AGO3: variants seen among roughly 807,000 people sequenced by gnomAD.
AGO3 encodes protein argonaute-3.
A neutral mutation model predicts 105.5 loss-of-function variants in AGO3; 16 were observed. The observed-to-expected ratio is 0.15, with a 90% CI of 0.10 to 0.23. The LOEUF is 0.23. Ranked by LOEUF, AGO3 falls within the 10% of genes least tolerant of loss-of-function variation. The probability of loss-of-function intolerance (pLI) is 1.00; values close to 1 mark genes in which losing one functional copy is unlikely to be tolerated. For missense variants in AGO3, 534 were observed against 1,088.0 expected (o/e 0.49, Z 7.16); for synonymous variants, 340 against 367.3 (o/e 0.93, Z 0.85).
intron 2 of AGO3, among the ~76,000 whole-genome samples, chr1:35,946,552 T>G (rs1334591069): frequency 6.6e-6 from 1 of 152,226 alleles, no homozygotes; most frequent in African/African-American, 2.4e-5. Flanking sequence ...GCATTTTGGT[T>G]TCTATGATCC....
At chr1:35,944,284 C>T (rs539814718) in intron 1 of AGO3, among the ~76,000 whole-genome samples, 43 of 151,960 alleles carry the variant, frequency 2.8e-4, no homozygotes, top group African/African-American at 1.0e-3. Context: ...AGGCTAGTCT[C>T]AAACTCCTAA....
intron 17 of AGO3, among the ~76,000 whole-genome samples, chr1:36,050,661 G>A (rs1360880253): frequency 1.4e-5 from 2 of 146,332 alleles, no homozygotes; most frequent in Admixed American, 6.8e-5. Flanking sequence ...GTGTGGTGGC[G>A]GGCGCCTATA....
At chr1:36,054,855 C>A in intron 17 of AGO3, 91 bp from the exon 18 acceptor site, 1 of 1,274,942 alleles carries the variant, frequency 7.8e-7, no homozygotes, top group Middle Eastern at 2.6e-4. Context: ...GCACTTCAGC[C>A]TGGGTGACAG....
In AGO3 at chr1:36,059,342, G is replaced by A. The variant is rs1642997210; in HGVS notation, c.*3597G>A. ...AAAGGCTAAGTGACAAATGCTTCTT[G>A]AAATTTGTCCTATTTATTGTTGCAT... On this transcript the variant is annotated 3_prime_UTR_variant, in exon 19 of 19. Transcript: ENST00000373191. 6.6e-6 allele frequency: 1 copy of A among 151,698 alleles called. No homozygotes were observed. 9.4% of individuals were successfully genotyped at this position (151,698 alleles called of 1,614,324 possible).
chr1:36,012,166 C>A (rs987298299), intron 9 of AGO3, among the ~76,000 whole-genome samples: 5 of 151,716 alleles, frequency 3.3e-5, no homozygotes, highest in Admixed American at 1.3e-4. Flanking sequence ...GAGACCCCAT[C>A]TCTACAAAAA....
intron 17 of AGO3, 38 bp from the exon 18 acceptor site, chr1:36,054,908 T>A: frequency 6.3e-7 from 1 of 1,592,534 alleles, no homozygotes; most frequent in Non-Finnish European, 8.6e-7. Context: ...CAAAAAGAGT[T>A]CAAAATTCAA....
At chr1:35,972,932 A>C (rs188980962) in intron 4 of AGO3, among the ~76,000 whole-genome samples, 1 of 148,926 alleles carries the variant, frequency 6.7e-6, no homozygotes, top group Non-Finnish European at 1.5e-5. Context: ...CCTGGACTCA[A>C]GTAATCCTCT....
At position 36,008,876 on chromosome 1, in the gene AGO3, T is replaced by A. The variant is rs1036086252; in HGVS notation, c.882-21T>A. On this transcript the variant is annotated intron_variant, in intron 7 of 18. Coordinates refer to ENST00000373191, the MANE Select transcript of AGO3 (RefSeq NM_024852.4). This position sits in a 1 kb window ranked among gnomAD's most constrained non-coding sequence, Gnocchi z 5.1. ...GCTCATAATGGGCAAGAATTGTTCA[T>A]GTGTACTTTTTTTTCCTCAGCTTTC... 1.2e-6 allele frequency: 2 copies of A among 1,613,930 alleles called. No homozygotes were observed. Among genetic ancestry groups the A allele is most frequent in the African/African-American group, 1.3e-5 (1 of 74,896 alleles).
intron 2 of AGO3, among the ~76,000 whole-genome samples, chr1:35,946,208 A>G (rs1646362105): frequency 6.6e-6 from 1 of 152,142 alleles, no homozygotes; most frequent in Non-Finnish European, 1.5e-5. Context: ...TCTCTTATGT[A>G]CCACTTTCAT....
chr1:35,942,730 A>G lies in AGO3; in HGVS notation c.20-2962A>G, dbSNP rs147766875. 3.0e-4 allele frequency among the ~76,000 whole-genome samples: 45 copies of G among 152,340 alleles called. No individual in the cohort carries two copies. The East Asian group carries it at 8.3e-3, about 28-fold the overall frequency. On this transcript the variant is annotated intron_variant, in intron 1 of 18. Transcript: ENST00000373191. ...TTCTTTAAATTTTTTTGATTAAAAA[A>G]TGTAAAATATACAACCATTAAATTT...
chr1:36,022,825 G>A (rs7549562), intron 11 of AGO3, among the ~76,000 whole-genome samples: 2,297 of 151,596 alleles, frequency 0.015, 48 homozygotes, highest in African/African-American at 0.052. Context: ...TCAGCTACTC[G>A]GGAGGCAGAG....
chr1:35,952,636 C>G (rs1349959664), intron 2 of AGO3, among the ~76,000 whole-genome samples: 1 of 152,080 alleles, frequency 6.6e-6, no homozygotes, highest in Non-Finnish European at 1.5e-5. Flanking sequence ...TTTTACTGTA[C>G]CTTTTTATGT....
chr1:35,945,815 T>A lies in AGO3; in HGVS notation c.143T>A (p.Leu48His), dbSNP rs1434166790. Reference protein sequence around the residue: ...QVEIPKIDVYLYEVDIKPDKC... With the variant: ...QVEIPKIDVYHYEVDIKPDKC... ...GAAATCCCAAAGATTGATGTCTACC[T>A]CTATGAGGTAGATATTAAACCAGAC... Residue 48 changes from leucine to histidine, a missense_variant, in exon 2 of 19, where the codon CTC (leucine) becomes CAC (histidine). Leu to His is a moderately conservative substitution (Grantham distance 99, BLOSUM62 -3). This residue lies in a region of AGO3 where 161 missense variants were observed against 234.0 expected (regional missense o/e 0.69). Transcript: ENST00000373191. The A allele has an allele frequency of 1.2e-6, 2 of 1,613,758 alleles. No individual in the cohort carries two copies. The highest frequency in any genetic ancestry group is 4.5e-5 in the East Asian group (2 of 44,884).
intron 3 of AGO3, among the ~76,000 whole-genome samples, chr1:35,970,981 C>T (rs1159705981): frequency 2.7e-5 from 4 of 146,342 alleles, no homozygotes; most frequent in Non-Finnish European, 4.5e-5. Context: ...CCTGCCTCAG[C>T]GTCCCAAAGT....
intron 5 of AGO3, among the ~76,000 whole-genome samples, chr1:35,982,232 A>G (rs1647065718): frequency 6.6e-6 from 1 of 152,206 alleles, no homozygotes. Context: ...GTTTGAGACC[A>G]GCCTGGGCAA....
chr1:36,015,544 G>A (rs1640862095), intron 11 of AGO3, among the ~76,000 whole-genome samples: 1 of 152,152 alleles, frequency 6.6e-6, no homozygotes, highest in African/African-American at 2.4e-5. Flanking sequence ...CTGGTGACCA[G>A]ACCCCATCCT....
intron 5 of AGO3, among the ~76,000 whole-genome samples, chr1:35,995,212 ATATAT>A (rs1557672242): frequency 1.0e-4 from 11 of 106,586 alleles, no homozygotes; most frequent in Non-Finnish European, 1.7e-4. Flanking sequence ...AAAAAAAAAT[ATATAT>A]ATATATATAT....
intron 11 of AGO3, 27 bp downstream of exon 11, chr1:36,014,075 G>T (rs1183311493): frequency 6.2e-7 from 1 of 1,613,430 alleles, no homozygotes; most frequent in Non-Finnish European, 8.5e-7. Flanking sequence ...CCTTGGCTTT[G>T]GGACTTTTTT....
At chr1:35,968,510 G>A (rs1332106386) in intron 3 of AGO3, among the ~76,000 whole-genome samples, 2 of 152,120 alleles carry the variant, frequency 1.3e-5, no homozygotes, top group African/African-American at 4.8e-5. Context: ...GGTACCTCAT[G>A]TAAGTGAAAT....
Sources: gnomAD v4.1 joint callset for allele counts (sites outside exome capture counted in the v4.1 genomes callset) on GRCh38, gnomAD v4.1.1 for gene constraint, gnomAD v4.1.1 regional missense constraint, Gnocchi (gnomAD v3.1) non-coding constraint, MANE v1.5 for transcripts, NCBI Gene and HGNC (gene_info 2026-07-23, HGNC 2026-07-21) for gene names.